The following NXPE4 variants were observed in gnomAD, a reference collection of about 807,000 sequenced individuals.
NXPE4 encodes NXPE family member 4.
Under a neutral mutation model 33.3 loss-of-function variants are expected in NXPE4, and 42 were observed. The observed-to-expected ratio is 1.26, with a 90% CI of 0.98 to 1.63. The LOEUF is 1.63. NXPE4 is among the 40% of genes most tolerant of loss of function. The pLI is 0.00. For missense variants in NXPE4, 709 were observed against 647.6 expected (o/e 1.09, Z -1.03); for synonymous variants, 253 against 234.9 (o/e 1.08, Z -0.71).
chr11:114,606,940 C>T, the NXPE4 span, among the ~76,000 whole-genome samples: 1 of 151,878 alleles, frequency 6.6e-6, no homozygotes, highest in East Asian at 1.9e-4. Flanking sequence ...TGGGTAACCA[C>T]TGTTATCCTG....
At chr11:114,634,342 C>T in the NXPE4 span, among the ~76,000 whole-genome samples, 1 of 151,784 alleles carries the variant, frequency 6.6e-6, no homozygotes. Flanking sequence ...TGTTTGAGTT[C>T]ATTGTAGATT....
upstream of NXPE4, among the ~76,000 whole-genome samples, chr11:114,600,016 A>T (rs1291565700): frequency 6.6e-6 from 1 of 152,224 alleles, no homozygotes; most frequent in Non-Finnish European, 1.5e-5. Context: ...GAAGAATTCC[A>T]ACTAACAAAT....
chr11:114,580,093 C>T, intron 5 of NXPE4, 39 bp downstream of exon 5: 2 of 1,508,778 alleles, frequency 1.3e-6, no homozygotes, highest in Non-Finnish European at 1.8e-6. Context: ...AAAGAAGTTT[C>T]TGAAAGGGGT....
the NXPE4 span, among the ~76,000 whole-genome samples, chr11:114,668,902 C>T: frequency 6.6e-6 from 1 of 151,976 alleles, no homozygotes; most frequent in Non-Finnish European, 1.5e-5. Context: ...AATCAAACAA[C>T]ACTTATTTAA....
At chr11:114,575,383 G>C (rs1948974136) in intron 5 of NXPE4, among the ~76,000 whole-genome samples, 1 of 152,074 alleles carries the variant, frequency 6.6e-6, no homozygotes, top group African/African-American at 2.4e-5. Context: ...ATCCGAATTG[G>C]TAAAGAGGAA....
At chr11:114,639,729 T>TAATATAAATTATATTA in the NXPE4 span, among the ~76,000 whole-genome samples, 1 of 123,494 alleles carries the variant, frequency 8.1e-6, no homozygotes, top group African/African-American at 3.0e-5. Context: ...TATAGTAATA[T>TAATATAAATTATATTA]AATATAAAAT....
the NXPE4 span, among the ~76,000 whole-genome samples, chr11:114,650,366 C>T: frequency 0.01 from 1,555 of 152,282 alleles, 22 homozygotes; most frequent in African/African-American, 0.035. Context: ...TCACAATCAC[C>T]CATGAGCTCT....
chr11:114,630,765 A>G, the NXPE4 span, among the ~76,000 whole-genome samples: 6 of 151,842 alleles, frequency 4.0e-5, no homozygotes, highest in Non-Finnish European at 5.9e-5. Context: ...AATCTTCGCA[A>G]CCTACTCATC....
At chr11:114,633,336 TTTA>T in the NXPE4 span, among the ~76,000 whole-genome samples, 2 of 141,230 alleles carry the variant, frequency 1.4e-5, no homozygotes, top group Admixed American at 1.5e-4. Context: ...GGTATTACAT[TTTA>T]TTATATGATT....
chr11:114,602,987 T>C, the NXPE4 span, among the ~76,000 whole-genome samples: 1 of 150,730 alleles, frequency 6.6e-6, no homozygotes, highest in Admixed American at 6.7e-5. Flanking sequence ...AATTATCTCA[T>C]ATATAATTAC....
At chr11:114,606,941 T>A in the NXPE4 span, among the ~76,000 whole-genome samples, 1 of 151,936 alleles carries the variant, frequency 6.6e-6, no homozygotes, top group Non-Finnish European at 1.5e-5. Flanking sequence ...GGGTAACCAC[T>A]GTTATCCTGT....
the NXPE4 span, among the ~76,000 whole-genome samples, chr11:114,639,835 A>T: frequency 1.2e-3 from 131 of 110,074 alleles, 3 homozygotes; most frequent in African/African-American, 5.5e-3. Context: ...TATATATTAT[A>T]TTAAATATAA....
At chr11:114,594,592 C>A in intron 2 of NXPE4, 72 bp downstream of exon 2, 2 of 949,712 alleles carry the variant, frequency 2.1e-6, no homozygotes, top group Non-Finnish European at 3.3e-6. Flanking sequence ...TGTAGTTTAG[C>A]CTTTCCTAGA....
the NXPE4 span, among the ~76,000 whole-genome samples, chr11:114,647,937 T>G: frequency 6.6e-6 from 1 of 152,176 alleles, no homozygotes; most frequent in Non-Finnish European, 1.5e-5. Context: ...CCTGACCTCG[T>G]GATCCACCTG....
chr11:114,579,715 A>G (rs918126406), intron 5 of NXPE4, among the ~76,000 whole-genome samples: 1 of 152,240 alleles, frequency 6.6e-6, no homozygotes, highest in Admixed American at 6.5e-5. Context: ...TGGAATGGTT[A>G]TGTAACTTGT....
chr11:114,636,040 G>A, the NXPE4 span, among the ~76,000 whole-genome samples: 4 of 152,072 alleles, frequency 2.6e-5, no homozygotes, highest in African/African-American at 9.6e-5. Flanking sequence ...AGAAGGAACG[G>A]TACCAGTTCC....
At chr11:114,613,263 G>T in the NXPE4 span, among the ~76,000 whole-genome samples, 1 of 151,954 alleles carries the variant, frequency 6.6e-6, no homozygotes, top group Non-Finnish European at 1.5e-5. Context: ...AATAAGCATT[G>T]CCTCACAGGT....
chr11:114,583,054 T>C (rs1156544592), intron 2 of NXPE4, 33 bp from the exon 3 acceptor site: 1 of 1,575,726 alleles, frequency 6.3e-7, no homozygotes, highest in Non-Finnish European at 8.6e-7. Context: ...ATGAGATGGA[T>C]AAATTTAGAG....
the NXPE4 span, among the ~76,000 whole-genome samples, chr11:114,653,058 G>A: frequency 1.5e-4 from 23 of 152,280 alleles, no homozygotes; most frequent in South Asian, 4.6e-3. Flanking sequence ...ATATTCCATT[G>A]AGCCTTGTGC....
Sources: allele counts gnomAD v4.1 joint callset (sites outside exome capture counted in the v4.1 genomes callset), GRCh38; gene constraint gnomAD v4.1.1; transcripts MANE v1.5; gene names NCBI Gene and HGNC (gene_info 2026-07-23, HGNC 2026-07-21).